CDC7: variants seen among roughly 807,000 people sequenced by gnomAD.
The protein encoded by CDC7 is cell division cycle 7.
A neutral mutation model predicts 53.5 loss-of-function variants in CDC7; 34 were observed. The observed-to-expected ratio is 0.64, with a 90% confidence interval of 0.48 to 0.85. The LOEUF is 0.85. CDC7 is among the 40% of genes least tolerant of loss of function. CDC7 has a pLI of 0.00. For synonymous variants in CDC7, 211 were observed against 222.8 expected, an observed-to-expected ratio of 0.95 and a Z score of 0.47; for missense variants, 594 against 679.7, an observed-to-expected ratio of 0.87 and a Z score of 1.40.
Position 91,513,038 on chromosome 1 carries a change from T to G in CDC7, c.573-20T>G. The G allele has an allele frequency of 6.2e-7, 1 of 1,607,468 alleles. No homozygotes were observed. The highest frequency in any genetic ancestry group is 8.5e-7 in the Non-Finnish European group (1 of 1,176,430). ...TTTAATTGCTACAGATAAGTAAAAA[T>G]GCTTAATTTTGTCTCTTAGGTATGC... On this transcript the variant is annotated intron_variant, in intron 6 of 11. Coordinates refer to ENST00000234626, the MANE Select transcript of CDC7 (RefSeq NM_003503.4).
At chr1:91,514,126 TATC>T in intron 8 of CDC7, 83 bp downstream of exon 8, 1 of 840,628 alleles carries the variant, frequency 1.2e-6, no homozygotes, top group South Asian at 2.0e-5. Context: ...TAACATTTAT[TATC>T]AGAAATTTTT....
Position 91,523,907 on chromosome 1 carries a change from TG to T in CDC7, c.1331-133del. On this transcript the variant is annotated intron_variant, in intron 11 of 11. Transcript: ENST00000234626. ...CTCTATCTCATACTGTGTGTGTGTG[TG>T]TGTGTGTGTGTGTGTGTCCATGTCT... 6.8e-6 allele frequency: 4 copies of T among 589,054 alleles called. No individual in the cohort carries two copies. The South Asian group carries it at 8.6e-5, about 13-fold the overall frequency. 36.5% of individuals were successfully genotyped at this position (589,054 alleles called of 1,614,324 possible).
intron 2 of CDC7, among the ~76,000 whole-genome samples, chr1:91,502,473 A>G (rs967804802): frequency 6.6e-6 from 1 of 152,160 alleles, no homozygotes; most frequent in Non-Finnish European, 1.5e-5. Context: ...AAGGGTAGCC[A>G]GATCATCTTT....
At chr1:91,512,154 C>T (rs1667319828) in intron 6 of CDC7, among the ~76,000 whole-genome samples, 1 of 152,012 alleles carries the variant, frequency 6.6e-6, no homozygotes, top group African/African-American at 2.4e-5. Context: ...TACCTGTAAT[C>T]TTCAGAGTGT....
At chr1:91,514,357 T>C (rs1266475772) in intron 8 of CDC7, among the ~76,000 whole-genome samples, 3 of 152,274 alleles carry the variant, frequency 2.0e-5, no homozygotes, top group East Asian at 1.9e-4. Context: ...TTCTGACACA[T>C]AGTTGATAGT....
chr1:91,523,989 C>T lies in CDC7; in HGVS notation c.1331-52C>T, dbSNP rs1236798136. The T allele has an allele frequency of 5.6e-6, 8 of 1,431,180 alleles. No homozygotes were observed. In the African/African-American group the frequency reaches 1.0e-4, roughly 18 times the overall value. The allele number at this position is 1,431,180 out of a possible 1,614,324, so 88.7% of individuals were successfully genotyped here. ...TCATGAGAGAGGCTTCTGATATATT[C>T]AAATAATAAAATGTTTTTTTCTGTT... On this transcript the variant is annotated intron_variant, in intron 11 of 11. Coordinates refer to ENST00000234626, the MANE Select transcript of CDC7 (RefSeq NM_003503.4).
intron 11 of CDC7, among the ~76,000 whole-genome samples, chr1:91,521,394 A>C (rs549390083): frequency 6.6e-6 from 1 of 152,222 alleles, no homozygotes; most frequent in East Asian, 1.9e-4. Flanking sequence ...CTAATCTACA[A>C]GAAAAACTTA....
rs778468703 is a variant in CDC7 at position 91,508,366 on chromosome 1, G to T, written c.304G>T (p.Ala102Ser). ...LIPTSHPIRI[A>S]AELQCLTVAG... is the part of the protein sequence containing the mutation. ...TCCAACAAGTCATCCTATAAGAATT[G>T]CAGCTGAACTTCAGTGCCTAACAGT... The change falls in exon 4 of 12, where the codon GCA becomes TCA. Residue 102 changes from alanine (A) to serine (S), a missense_variant. Coordinates refer to ENST00000234626, the MANE Select transcript of CDC7 (RefSeq NM_003503.4). The T allele has an allele frequency of 2.5e-6, 4 of 1,612,170 alleles. No homozygotes were observed. Among genetic ancestry groups the T allele is most frequent in the Non-Finnish European group, 3.4e-6 (4 of 1,179,008 alleles).
Position 91,519,256 on chromosome 1 carries a change from C to CAAAAA in CDC7, c.1181-852_1181-848dup, listed in dbSNP as rs71087957. On this transcript the variant is annotated intron_variant, in intron 10 of 11. Coordinates refer to ENST00000234626, the MANE Select transcript of CDC7 (RefSeq NM_003503.4). ...CAAAACCTCGTCTCTACTAAAAATACAAAAAAAAAAAAAAAAAAAAAAAAA... is the reference window on the plus strand; with the variant it reads ...CAAAACCTCGTCTCTACTAAAAATACAAAAAAAAAAAAAAAAAAAAAAAAAAAAAA... Among the ~76,000 whole-genome samples, 6 of 60,172 alleles carry CAAAAA rather than the reference C, an allele frequency of 1.0e-4. 1 individual carries two copies. Among genetic ancestry groups the CAAAAA allele is most frequent in the African/African-American group, 2.5e-4 (5 of 19,850 alleles). The allele number at this position is 60,172 out of a possible 152,430, so 39.5% of individuals were successfully genotyped here.
rs1668221378 is a variant in CDC7 at position 91,525,502 on chromosome 1, C to T, written c.*1067C>T. On this transcript the variant is annotated 3_prime_UTR_variant, in exon 12 of 12. Coordinates refer to ENST00000234626, the MANE Select transcript of CDC7 (RefSeq NM_003503.4). The stretch of plus-strand genomic sequence containing the variant: ...ATGGTATATATCAATGACAGCATAT[C>T]AAACTTCCTATGGGAAAAAGTCTGG... The T allele has an allele frequency of 6.6e-6, 1 of 152,098 alleles. No individual in the cohort carries two copies. The highest frequency in any genetic ancestry group is 1.5e-5 in the Non-Finnish European group (1 of 67,954). The allele number at this position is 152,098 out of a possible 1,614,324, so 9.4% of individuals were successfully genotyped here. A position where few individuals can be genotyped will look rare whatever the true frequency, so the allele number is the denominator to read the frequency against.
At position 91,525,622 on chromosome 1, in the gene CDC7, G is replaced by A. The variant is rs1366587404; in HGVS notation, c.*1187G>A. 6.6e-6 allele frequency: 1 copy of A among 151,912 alleles called. No homozygotes were observed. The highest frequency in any genetic ancestry group is 1.5e-5 in the Non-Finnish European group (1 of 67,926). The allele number at this position is 151,912 out of a possible 1,614,324, so 9.4% of individuals were successfully genotyped here. A position where few individuals can be genotyped will look rare whatever the true frequency, so the allele number is the denominator to read the frequency against. Reference sequence around the variant, plus strand: ...CATTTTGTTATTTTGAGCATTGATAGGTCAGTATATCTACCTAATCTGTTT... The same window carrying A: ...CATTTTGTTATTTTGAGCATTGATAAGTCAGTATATCTACCTAATCTGTTT... On this transcript the variant is annotated 3_prime_UTR_variant, in exon 12 of 12. Coordinates refer to ENST00000234626, the MANE Select transcript of CDC7 (RefSeq NM_003503.4).
rs1668160855 is a variant in CDC7 at position 91,524,512 on chromosome 1, T to C, written c.*77T>C. The stretch of plus-strand genomic sequence containing the variant: ...ACTTTGTAATAGCCACAAGTTCTTG[T>C]TTAGAGACCAGAGCAGGATTAATAA... On this transcript the variant is annotated 3_prime_UTR_variant, in exon 12 of 12. Transcript: ENST00000234626. 1.6e-5 allele frequency: 17 copies of C among 1,084,340 alleles called. No individual in the cohort carries two copies. Among genetic ancestry groups the C allele is most frequent in the Non-Finnish European group, 1.9e-5 (14 of 752,176 alleles). The allele number at this position is 1,084,340 out of a possible 1,614,324, so 67.2% of individuals were successfully genotyped here.
intron 2 of CDC7, among the ~76,000 whole-genome samples, chr1:91,507,634 T>C (rs1667061877): frequency 6.6e-6 from 1 of 152,100 alleles, no homozygotes; most frequent in Non-Finnish European, 1.5e-5. Context: ...TAGTAGAAAT[T>C]TGGTGTATTT....
chr1:91,506,915 A>C (rs891413217), intron 2 of CDC7, among the ~76,000 whole-genome samples: 4 of 152,142 alleles, frequency 2.6e-5, no homozygotes, highest in African/African-American at 9.7e-5. Flanking sequence ...ACATCACTGC[A>C]CTCCAACCTG....
intron 7 of CDC7, 98 bp downstream of exon 7, chr1:91,513,405 T>TAA: frequency 2.8e-6 from 3 of 1,079,408 alleles, no homozygotes; most frequent in Non-Finnish European, 3.9e-6. Flanking sequence ...TACTTATAAT[T>TAA]TAAAAAACTT....
chr1:91,525,644 G>C lies in CDC7; in HGVS notation c.*1209G>C, dbSNP rs1178364993. The C allele has an allele frequency of 1.3e-5, 2 of 151,868 alleles. No homozygotes were observed. The highest frequency in any genetic ancestry group is 2.9e-5 in the Non-Finnish European group (2 of 67,926). The allele number at this position is 151,868 out of a possible 1,614,324, so 9.4% of individuals were successfully genotyped here. On this transcript the variant is annotated 3_prime_UTR_variant, in exon 12 of 12. Coordinates refer to ENST00000234626, the MANE Select transcript of CDC7 (RefSeq NM_003503.4). ...ATAGGTCAGTATATCTACCTAATCT[G>C]TTTGGTAAGTATAGGATATATAAAC...
intron 11 of CDC7, among the ~76,000 whole-genome samples, chr1:91,523,173 GTC>G (rs1302645408): frequency 5.9e-5 from 9 of 152,142 alleles, no homozygotes; most frequent in Admixed American, 6.5e-5. Flanking sequence ...ACTATTGCGA[GTC>G]TCTGCTTTCA....
intron 2 of CDC7, among the ~76,000 whole-genome samples, chr1:91,507,321 T>G (rs543808991): frequency 5.5e-4 from 84 of 152,332 alleles, no homozygotes; most frequent in African/African-American, 1.8e-3. Flanking sequence ...TTATCTGCAG[T>G]CAAGGATAGA....
In CDC7 at chr1:91,524,601, G is replaced by A. The variant is rs1668165778; in HGVS notation, c.*166G>A. ...AATATAGATTAAGAATACTTAAAAT[G>A]CCTGGGATAGTTCTTGGGACTAACA... is the stretch of plus-strand genomic sequence containing the variant. On this transcript the variant is annotated 3_prime_UTR_variant, in exon 12 of 12. Transcript: ENST00000234626. The A allele has an allele frequency of 3.0e-5, 18 of 590,602 alleles. No homozygotes were observed. The South Asian group carries it at 4.4e-4, about 15-fold the overall frequency. The allele number at this position is 590,602 out of a possible 1,614,324, so 36.6% of individuals were successfully genotyped here.
Sources: gnomAD v4.1 joint callset for allele counts (sites outside exome capture counted in the v4.1 genomes callset) on GRCh38, gnomAD v4.1.1 for gene constraint, MANE v1.5 for transcripts, NCBI Gene and HGNC (gene_info 2026-07-23, HGNC 2026-07-21) for gene names.